The following THEMIS variants were observed in gnomAD, a reference collection of about 807,000 sequenced individuals.
The protein encoded by THEMIS is thymocyte selection associated.
In THEMIS, 37 loss-of-function variants were observed where a neutral mutation model predicts 52.6. That is an observed-to-expected ratio of 0.70 (90% CI 0.54 to 0.93). The LOEUF is 0.93. THEMIS is among the 40% of genes least tolerant of loss of function. The probability of loss-of-function intolerance (pLI) is 0.00; values close to 1 mark genes in which losing one functional copy is unlikely to be tolerated. For missense variants in THEMIS, 808 were observed against 763.1 expected, an observed-to-expected ratio of 1.06 and a Z score of -0.69; for synonymous variants, 292 against 272.7, an observed-to-expected ratio of 1.07 and a Z score of -0.70.
chr6:127,727,797 GC>G (rs1298109372), intron 4 of THEMIS, among the ~76,000 whole-genome samples: 1 of 151,980 alleles, frequency 6.6e-6, no homozygotes, highest in Non-Finnish European at 1.5e-5. Flanking sequence ...GTGAATAGGT[GC>G]CCCACATAGG....
Position 127,795,343 on chromosome 6 carries a change from T to A in THEMIS, c.1758+17540A>T, listed in dbSNP as rs565516566. 1.6e-3 allele frequency among the ~76,000 whole-genome samples: 243 copies of A among 152,264 alleles called. 2 individuals are homozygous for A. The highest frequency in any genetic ancestry group is 5.5e-3 in the African/African-American group (228 of 41,548). On this transcript the variant is annotated intron_variant, in intron 4 of 5. Transcript: ENST00000368248. ...GATTTGTATTATTATTATTATTATT[T>A]TTTGAGATGGAGTCTTGCTCTGTCA...
intron 4 of THEMIS, among the ~76,000 whole-genome samples, chr6:127,780,319 A>G (rs1776701903): frequency 6.6e-6 from 1 of 152,200 alleles, no homozygotes; most frequent in South Asian, 2.1e-4. Context: ...TCTCCTGAAT[A>G]CAGCACACCG....
chr6:127,813,705 CT>C lies in THEMIS; in HGVS notation c.935del (p.Lys312SerfsTer8). The C allele has an allele frequency of 6.2e-7, 1 of 1,614,018 alleles. No individual in the cohort carries two copies. Among genetic ancestry groups the C allele is most frequent in the Non-Finnish European group, 8.5e-7 (1 of 1,179,964 alleles). On this transcript the variant is annotated frameshift_variant, in exon 4 of 6. Transcript: ENST00000368248. LOFTEE classifies it high-confidence loss of function. ...AAGCTAAGATTCTTGATGCCTGGTACTTTTTGTGGATCACAATGGTTTTCCC... is the reference window on the plus strand; with the variant it reads ...AAGCTAAGATTCTTGATGCCTGGTACTTTTGTGGATCACAATGGTTTTCCC... ...QPGKTIVIHK[K>X]YQASRILASE...
At chr6:127,756,051 A>G (rs1775814464) in intron 4 of THEMIS, among the ~76,000 whole-genome samples, 1 of 152,004 alleles carries the variant, frequency 6.6e-6, no homozygotes, top group South Asian at 2.1e-4. Flanking sequence ...AAAACAAAAA[A>G]CAAAACAAAA....
intron 4 of THEMIS, among the ~76,000 whole-genome samples, chr6:127,774,023 C>G (rs553190114): frequency 2.0e-4 from 30 of 152,178 alleles, no homozygotes; most frequent in South Asian, 8.3e-4. Flanking sequence ...TCCAAGATGG[C>G]TCACTACACG....
intron 4 of THEMIS, among the ~76,000 whole-genome samples, chr6:127,749,951 A>G (rs1218011071): frequency 1.3e-5 from 2 of 149,644 alleles, no homozygotes; most frequent in Non-Finnish European, 3.0e-5. Context: ...ATCTTTTCTC[A>G]GGAATTAATA....
At chr6:127,829,049 CAG>C (rs1271638703) in intron 3 of THEMIS, among the ~76,000 whole-genome samples, 3 of 152,148 alleles carry the variant, frequency 2.0e-5, no homozygotes, top group Non-Finnish European at 4.4e-5. Context: ...AAAAGACTGT[CAG>C]AAAAATAGAA....
chr6:127,872,788 T>G (rs1379157049), intron 1 of THEMIS, among the ~76,000 whole-genome samples: 1 of 152,010 alleles, frequency 6.6e-6, no homozygotes, highest in African/African-American at 2.4e-5. Context: ...TTTTAGCCAG[T>G]GCAATAAAGC....
At chr6:127,742,377 T>G (rs139537923) in intron 4 of THEMIS, among the ~76,000 whole-genome samples, 1 of 142,852 alleles carries the variant, frequency 7.0e-6, no homozygotes, top group East Asian at 2.1e-4. Flanking sequence ...AAAACAAAGA[T>G]AGAATCACCA....
rs1398690302 is a variant in THEMIS at position 127,765,752 on chromosome 6, G to T, written c.1759-45929C>A. ...ATTCAGTACAATAACATAATGTACA[G>T]GTTTGTAGCTTAGAAGCAATAGGTC... On this transcript the variant is annotated intron_variant, in intron 4 of 5. Coordinates refer to ENST00000368248, the MANE Select transcript of THEMIS (RefSeq NM_001010923.3). Among the ~76,000 whole-genome samples the T allele has an allele frequency of 2.0e-5, 3 of 152,030 alleles. No homozygotes were observed. In the South Asian group the frequency reaches 6.2e-4, roughly 31 times the overall value.
Position 127,829,812 on chromosome 6 carries a change from G to A in THEMIS, c.373C>T (p.Leu125=). The change falls in exon 3 of 6, where the codon CTA becomes TTA. Residue 125 remains leucine, a synonymous_variant. Transcript: ENST00000368248. ...CCCTGCTTTATGATGAGGTTCTCTAGTTTTATATCCTTCTGATGATAGAAG... is the reference window on the plus strand; with the variant it reads ...CCCTGCTTTATGATGAGGTTCTCTAATTTTATATCCTTCTGATGATAGAAG... ...PCFYHQKDIK[L]ENLIIKQGEQ... 6.2e-7 allele frequency: 1 copy of A among 1,614,070 alleles called. No individual in the cohort carries two copies.
rs148911082 is a variant in THEMIS, at chr6:127,725,367, G to A, written c.1759-5544C>T. On this transcript the variant is annotated intron_variant, in intron 4 of 5. Coordinates refer to ENST00000368248, the MANE Select transcript of THEMIS (RefSeq NM_001010923.3). ...TAAAAATCGAATCACATCAAATACA[G>A]GCTTGCTGGGAATATGCAAATTATC... is the stretch of plus-strand genomic sequence containing the variant. 3.0e-3 allele frequency among the ~76,000 whole-genome samples: 461 copies of A among 152,034 alleles called. 1 individual carries two copies. The highest frequency in any genetic ancestry group is 0.01 in the African/African-American group (430 of 41,504).
chr6:127,757,875 A>C (rs894418682), intron 4 of THEMIS, among the ~76,000 whole-genome samples: 2 of 152,130 alleles, frequency 1.3e-5, no homozygotes, highest in African/African-American at 4.8e-5. Flanking sequence ...TACCTGGTAG[A>C]GAGCGATCAG....
intron 4 of THEMIS, among the ~76,000 whole-genome samples, chr6:127,769,924 C>T (rs1776325759): frequency 6.6e-6 from 1 of 152,182 alleles, no homozygotes; most frequent in Non-Finnish European, 1.5e-5. Context: ...TTTCCAGCTT[C>T]ATCCATGTCC....
At chr6:127,753,315 T>C (rs1373525302) in intron 4 of THEMIS, among the ~76,000 whole-genome samples, 3 of 152,004 alleles carry the variant, frequency 2.0e-5, no homozygotes, top group Non-Finnish European at 4.4e-5. Context: ...AGTAAATACG[T>C]GGATACAAAA....
At chr6:127,823,563 T>C (rs1778409969) in intron 3 of THEMIS, among the ~76,000 whole-genome samples, 1 of 152,166 alleles carries the variant, frequency 6.6e-6, no homozygotes, top group African/African-American at 2.4e-5. Flanking sequence ...ATTTACTCTA[T>C]CTCAAGCACT....
chr6:127,886,114 A>G (rs1780636961), intron 1 of THEMIS, among the ~76,000 whole-genome samples: 1 of 152,028 alleles, frequency 6.6e-6, no homozygotes, highest in Admixed American at 6.6e-5. Context: ...CTACCATAAC[A>G]TTTTGGTAAA....
At chr6:127,824,148 T>C (rs1449176757) in intron 3 of THEMIS, among the ~76,000 whole-genome samples, 2 of 152,086 alleles carry the variant, frequency 1.3e-5, no homozygotes, top group East Asian at 3.9e-4. Flanking sequence ...CTAGGGGAGA[T>C]AGGTGACCAC....
At chr6:127,874,473 T>C (rs1780254083) in intron 1 of THEMIS, among the ~76,000 whole-genome samples, 1 of 152,216 alleles carries the variant, frequency 6.6e-6, no homozygotes, top group Non-Finnish European at 1.5e-5. Flanking sequence ...GCTACATATA[T>C]TGTATGGATT....
Sources: gnomAD v4.1 joint callset for allele counts (sites outside exome capture counted in the v4.1 genomes callset) on GRCh38, gnomAD v4.1.1 for gene constraint, MANE v1.5 for transcripts, NCBI Gene and HGNC (gene_info 2026-07-23, HGNC 2026-07-21) for gene names.